CCDC3: variants seen among roughly 807,000 people sequenced by gnomAD.
CCDC3 encodes coiled-coil domain-containing protein 3.
In CCDC3, 24 loss-of-function variants were observed where a neutral mutation model predicts 21.4. The ratio of observed to expected loss-of-function variants is 1.12; its 90% CI spans 0.81 to 1.58. CCDC3 has a LOEUF of 1.58. Among genes scored for constraint, CCDC3 ranks in the 40% most tolerant of loss-of-function variants. CCDC3 has a pLI of 0.00. For synonymous variants in CCDC3, 186 were observed against 166.0 expected (o/e 1.12, Z -0.93); for missense variants, 425 against 360.9 (o/e 1.18, Z -1.44).
intron 5 of CCDC3, among the ~76,000 whole-genome samples, chr10:13,042,868 C>T (rs931525404): frequency 1.4e-5 from 2 of 138,798 alleles, no homozygotes; most frequent in Non-Finnish European, 3.0e-5. Flanking sequence ...GAGATGGCGC[C>T]ACTGCACTCC....
At chr10:12,924,795 T>G (rs1463405100) in intron 2 of CCDC3, 2 of 152,214 alleles carry the variant, frequency 1.3e-5, no homozygotes, top group East Asian at 3.9e-4. Flanking sequence ...AGTGACTCAT[T>G]TTCTTTTGTC....
intron 2 of CCDC3, among the ~76,000 whole-genome samples, chr10:12,950,496 T>C (rs572039074): frequency 2.6e-5 from 4 of 152,196 alleles, no homozygotes; most frequent in Admixed American, 2.0e-4. Flanking sequence ...TTCTAGCCAT[T>C]AAGACTGAGA....
intron 2 of CCDC3, among the ~76,000 whole-genome samples, chr10:12,938,144 G>A (rs147479002): frequency 1.5e-3 from 230 of 152,250 alleles, no homozygotes; most frequent in African/African-American, 5.1e-3. Context: ...GGGTTGGAAG[G>A]AGGGGTTAGC....
At chr10:12,912,690 G>A (rs187758528) in intron 2 of CCDC3, among the ~76,000 whole-genome samples, 4 of 152,248 alleles carry the variant, frequency 2.6e-5, no homozygotes, top group Admixed American at 2.6e-4. Context: ...TGATTGCCCA[G>A]ACCAATGTCA....
At chr10:12,958,750 C>A (rs1034030935) in intron 2 of CCDC3, among the ~76,000 whole-genome samples, 1 of 152,208 alleles carries the variant, frequency 6.6e-6, no homozygotes, top group African/African-American at 2.4e-5. Context: ...CTGCCCCAAG[C>A]TGACATCAGC....
intron 5 of CCDC3, among the ~76,000 whole-genome samples, chr10:13,034,577 A>G (rs1269443679): frequency 6.6e-6 from 1 of 151,988 alleles, no homozygotes; most frequent in South Asian, 2.1e-4. Context: ...AAATAAACCA[A>G]AGTCATAGCA....
chr10:12,951,099 T>A (rs559269806), intron 2 of CCDC3, among the ~76,000 whole-genome samples: 27 of 152,330 alleles, frequency 1.8e-4, no homozygotes, highest in African/African-American at 6.0e-4. Flanking sequence ...AATAAAAAGT[T>A]TAGGCCAAGC....
At chr10:13,073,651 C>A (rs758029855) in intron 4 of CCDC3, among the ~76,000 whole-genome samples, 1 of 152,038 alleles carries the variant, frequency 6.6e-6, no homozygotes, top group Non-Finnish European at 1.5e-5. Flanking sequence ...CCTGCCACCA[C>A]GTTCGGCTAA....
intron 4 of CCDC3, among the ~76,000 whole-genome samples, chr10:13,071,294 CA>C (rs1270626405): frequency 1.5e-5 from 2 of 132,370 alleles, no homozygotes; most frequent in Non-Finnish European, 3.3e-5. Flanking sequence ...GGAGTCCACG[CA>C]ACCCCCCCTC....
chr10:12,976,886 AT>A (rs1352801066), intron 2 of CCDC3, among the ~76,000 whole-genome samples: 1 of 152,162 alleles, frequency 6.6e-6, no homozygotes, highest in Non-Finnish European at 1.5e-5. Context: ...ATTTAAATCT[AT>A]TTTTTATAAA....
intron 2 of CCDC3, among the ~76,000 whole-genome samples, chr10:12,914,327 T>G: frequency 6.6e-6 from 1 of 152,186 alleles, no homozygotes; most frequent in Non-Finnish European, 1.5e-5. Flanking sequence ...GTCTAGGAAT[T>G]TATCCATTTC....
intron 2 of CCDC3, among the ~76,000 whole-genome samples, chr10:12,949,563 GGT>G (rs1834978818): frequency 6.6e-6 from 1 of 152,080 alleles, no homozygotes; most frequent in Non-Finnish European, 1.5e-5. Flanking sequence ...GTATTACTAG[GGT>G]TTTCCAATAC....
chr10:12,943,007 TTA>T (rs919975958), intron 2 of CCDC3, among the ~76,000 whole-genome samples: 5 of 152,186 alleles, frequency 3.3e-5, no homozygotes, highest in South Asian at 4.1e-4. Flanking sequence ...GGCTCTGTCT[TTA>T]TGTTTATTTC....
chr10:12,898,264 C>CA lies in CCDC3; in HGVS notation c.*151dup, dbSNP rs1415004138. The CA allele has an allele frequency of 2.8e-5, 26 of 922,002 alleles. No homozygotes were observed. Among genetic ancestry groups the CA allele is most frequent in the Non-Finnish European group, 4.8e-6 (3 of 627,128 alleles). 57.1% of individuals were successfully genotyped at this position (922,002 alleles called of 1,614,324 possible). ...TTGAGGCCAGCACCCAAGGGGAAAG[C>CA]AAGCCTTGCATTTTATCCATTTAGA... On this transcript the variant is annotated 3_prime_UTR_variant, in exon 3 of 3. Coordinates refer to ENST00000378825, the MANE Select transcript of CCDC3 (RefSeq NM_031455.4).
rs532748273 is a variant in CCDC3, at chr10:13,071,545, AG to A, written c.-270+2322del. Among the ~76,000 whole-genome samples the A allele has an allele frequency of 1.4e-4, 21 of 152,358 alleles. No homozygotes were observed. The East Asian group carries it at 4.0e-3, about 29-fold the overall frequency. ...ACAGGCTACTGACAGCAGGGGAGACAGGGCGTATGTGGGTAAGAGCGGATAT... is the reference window on the plus strand; with the variant it reads ...ACAGGCTACTGACAGCAGGGGAGACAGGCGTATGTGGGTAAGAGCGGATAT... On this transcript the variant is annotated intron_variant, in intron 4 of 6. Transcript: ENST00000378839.
intron 2 of CCDC3, among the ~76,000 whole-genome samples, chr10:12,936,640 G>A (rs1834743121): frequency 6.6e-6 from 1 of 152,174 alleles, no homozygotes; most frequent in South Asian, 2.1e-4. Flanking sequence ...TCCTCCTAAG[G>A]TCTCCTAAGA....
In CCDC3 at chr10:12,998,399, C is replaced by G; in HGVS notation, c.488G>C (p.Cys163Ser). 1.2e-6 allele frequency: 2 copies of G among 1,614,178 alleles called. No individual in the cohort carries two copies. The highest frequency in any genetic ancestry group is 1.7e-6 in the Non-Finnish European group (2 of 1,180,030). The change falls in exon 2 of 3, where the codon TGT becomes TCT. Residue 163 changes from cysteine (C) to serine (S), a missense_variant. Physicochemically the swap from Cys to Ser is moderately radical, Grantham distance 112 (BLOSUM62 -1). Transcript: ENST00000378825. ...AGTCGCCAGCTGCTGCCCTTGCGAACAGTTTGAAAACTGGAAAAGGCTAGA... is the reference window on the plus strand; with the variant it reads ...AGTCGCCAGCTGCTGCCCTTGCGAAGAGTTTGAAAACTGGAAAAGGCTAGA... ...MFSSLFQFSN[C>S]SQGQQLATFS...
intron 5 of CCDC3, among the ~76,000 whole-genome samples, chr10:13,012,225 G>A (rs1284367593): frequency 6.6e-6 from 1 of 152,058 alleles, no homozygotes; most frequent in Non-Finnish European, 1.5e-5. Flanking sequence ...CTTCTGCAAA[G>A]CAAAAGAAAC....
chr10:12,901,272 TTTC>T (rs1403231622), intron 2 of CCDC3, among the ~76,000 whole-genome samples: 1 of 152,142 alleles, frequency 6.6e-6, no homozygotes, highest in Non-Finnish European at 1.5e-5. Context: ...TATTTTTTCT[TTTC>T]TTTTCTTTTT....
Sources: gnomAD v4.1 joint callset for allele counts (sites outside exome capture counted in the v4.1 genomes callset) on GRCh38, gnomAD v4.1.1 for gene constraint, MANE v1.5 for transcripts, NCBI Gene and HGNC (gene_info 2026-07-23, HGNC 2026-07-21) for gene names.